The following TLE1 variants were observed in gnomAD, a reference collection of about 807,000 sequenced individuals.
TLE1 encodes the protein TLE family member 1, transcriptional corepressor, also known as transducin-like enhancer protein 1.
Under a neutral mutation model 89.8 loss-of-function variants are expected in TLE1, and 21 were observed. The ratio of observed to expected loss-of-function variants is 0.23; its 90% CI spans 0.17 to 0.34. The LOEUF (loss-of-function observed/expected upper bound fraction) is 0.34, where lower values mean the gene tolerates loss of function less well. Among genes scored for constraint, TLE1 ranks in the 10% least tolerant of loss-of-function variants. TLE1 has a pLI of 1.00. For synonymous variants in TLE1, 447 were observed against 407.6 expected, an observed-to-expected ratio of 1.10 and a Z score of -1.16; for missense variants, 795 against 1,031.2, an observed-to-expected ratio of 0.77 and a Z score of 3.14.
intron 6 of TLE1, among the ~76,000 whole-genome samples, chr9:81,637,661 T>TTG (rs1175072809): frequency 6.6e-6 from 1 of 151,434 alleles, no homozygotes; most frequent in African/African-American, 2.4e-5. Context: ...TTTTTTTTTT[T>TTG]TAAGCAAAAT....
intron 8 of TLE1, among the ~76,000 whole-genome samples, chr9:81,625,011 A>T (rs1825736354): frequency 6.6e-6 from 1 of 152,188 alleles, no homozygotes; most frequent in Non-Finnish European, 1.5e-5. Flanking sequence ...ATATCTGAGA[A>T]GTCTAAAAGA....
chr9:81,628,931 C>A (rs1198689869), intron 8 of TLE1, among the ~76,000 whole-genome samples: 1 of 152,046 alleles, frequency 6.6e-6, no homozygotes, highest in Non-Finnish European at 1.5e-5. Context: ...GAGCACGGAC[C>A]CACCCAGTCC....
chr9:81,625,199 T>C (rs1825758179), intron 8 of TLE1, among the ~76,000 whole-genome samples: 2 of 152,198 alleles, frequency 1.3e-5, no homozygotes, highest in Admixed American at 1.3e-4. Flanking sequence ...TCTGGAATTC[T>C]GTGAGAACAC....
chr9:81,676,720 G>A (rs559519095), intron 4 of TLE1, among the ~76,000 whole-genome samples: 25 of 152,236 alleles, frequency 1.6e-4, no homozygotes, highest in Admixed American at 1.6e-3. Context: ...GTAATCCCAA[G>A]ACCCTGAAGA....
Position 81,605,415 on chromosome 9 carries a change from C to T in TLE1, c.1331+4805G>A, listed in dbSNP as rs144241423. 1.9e-3 allele frequency among the ~76,000 whole-genome samples: 296 copies of T among 152,124 alleles called. 2 individuals carry two copies. The highest frequency in any genetic ancestry group is 6.7e-3 in the African/African-American group (276 of 41,488). On this transcript the variant is annotated intron_variant, in intron 14 of 19. Coordinates refer to ENST00000376499, the MANE Select transcript of TLE1 (RefSeq NM_005077.5). ...TCCTATTCATTTGTATTGTATGTTA[C>T]AAATGTACCTATCTTTGACTTACGG...
intron 4 of TLE1, among the ~76,000 whole-genome samples, chr9:81,673,187 C>T (rs942641115): frequency 3.4e-5 from 5 of 148,412 alleles, no homozygotes; most frequent in South Asian, 2.2e-4. Context: ...GCAACAGAAT[C>T]GCTTGAACCT....
At chr9:81,621,768 G>A (rs1217668052) in intron 8 of TLE1, among the ~76,000 whole-genome samples, 3 of 152,150 alleles carry the variant, frequency 2.0e-5, no homozygotes, top group South Asian at 2.1e-4. Flanking sequence ...CCCACCATGG[G>A]AGGGTTGTCT....
At chr9:81,675,738 G>A (rs1282015553) in intron 4 of TLE1, among the ~76,000 whole-genome samples, 1 of 120,166 alleles carries the variant, frequency 8.3e-6, no homozygotes, top group South Asian at 2.8e-4. Context: ...GTCTCGCTCT[G>A]TCGCCAGGCT....
At chr9:81,675,958 C>A (rs1832855226) in intron 4 of TLE1, among the ~76,000 whole-genome samples, 1 of 152,086 alleles carries the variant, frequency 6.6e-6, no homozygotes, top group Non-Finnish European at 1.5e-5. Context: ...CTCAGCCTCC[C>A]AAAGTGCTGG....
At chr9:81,670,727 T>A (rs113216436) in intron 4 of TLE1, among the ~76,000 whole-genome samples, 9 of 147,376 alleles carry the variant, frequency 6.1e-5, no homozygotes, top group South Asian at 2.1e-4. Context: ...AAAAAAAAAT[T>A]AAAAAAAAAA....
rs898790247 is a variant in TLE1, at chr9:81,654,721, A to T, written c.235-685T>A. Among the ~76,000 whole-genome samples, 6 of 152,210 alleles carry T rather than the reference A, an allele frequency of 3.9e-5. 1 individual carries two copies. Among genetic ancestry groups the T allele is most frequent in the Admixed American group, 1.3e-4 (2 of 15,272 alleles). ...TTCATTCAAGCGGGTGTCAGAAGCC[A>T]CTGCAGCTGCAGCACTGTCAAAGCA... On this transcript the variant is annotated intron_variant, in intron 4 of 19. Coordinates refer to ENST00000376499, the MANE Select transcript of TLE1 (RefSeq NM_005077.5).
intron 14 of TLE1, among the ~76,000 whole-genome samples, chr9:81,601,739 C>T (rs932609044): frequency 1.3e-5 from 2 of 152,138 alleles, no homozygotes; most frequent in Non-Finnish European, 2.9e-5. Flanking sequence ...TAAATCCAGC[C>T]TTGAGGGTAT....
intron 4 of TLE1, among the ~76,000 whole-genome samples, chr9:81,670,898 G>A (rs576404118): frequency 7.9e-5 from 12 of 152,150 alleles, no homozygotes; most frequent in East Asian, 7.7e-4. Flanking sequence ...GCTGGGTGCC[G>A]TGGCTCATGC....
intron 6 of TLE1, among the ~76,000 whole-genome samples, chr9:81,634,605 G>T (rs1053147350): frequency 6.6e-6 from 1 of 152,132 alleles, no homozygotes; most frequent in African/African-American, 2.4e-5. Flanking sequence ...TCCGAGAGGG[G>T]AGCTGTTTAT....
rs373362348 is a variant in TLE1, at chr9:81,609,250, A to G, written c.1331+970T>C. Among the ~76,000 whole-genome samples the G allele has an allele frequency of 5.0e-4, 76 of 152,080 alleles. 3 individuals carry two copies. In the South Asian group the frequency reaches 7.3e-3, roughly 15 times the overall value. ...CAGGCACATACCACCACGCCCAGCT[A>G]ATTTTTGTATTTTTAGTAGAGACGG... On this transcript the variant is annotated intron_variant, in intron 14 of 19. Transcript: ENST00000376499.
intron 4 of TLE1, among the ~76,000 whole-genome samples, chr9:81,672,410 T>G (rs905789906): frequency 1.1e-4 from 17 of 151,602 alleles, no homozygotes; most frequent in Non-Finnish European, 1.9e-4. Context: ...CTTGGCTCAC[T>G]GCAACCTCCG....
rs3045544 is a variant in TLE1, at chr9:81,652,106, T to TACACACACACACACACACAC, written c.372+88_372+107dup. The TACACACACACACACACACAC allele has an allele frequency of 7.3e-5, 51 of 696,462 alleles. No individual in the cohort carries two copies. In the African/African-American group the frequency reaches 9.1e-4, roughly 12 times the overall value. The allele number at this position is 696,462 out of a possible 1,614,324, so 43.1% of individuals were successfully genotyped here. The stretch of plus-strand genomic sequence containing the variant: ...CTTATCAAATAGGTCAACGTTAAGA[T>TACACACACACACACACACAC]ACACACACACACACACACACACACA... On this transcript the variant is annotated intron_variant, in intron 6 of 19. Transcript: ENST00000376499.
intron 16 of TLE1, among the ~76,000 whole-genome samples, chr9:81,589,690 G>C (rs2796465): frequency 2.0e-5 from 3 of 152,082 alleles, no homozygotes; most frequent in Non-Finnish European, 2.9e-5. Context: ...GACGTTATGA[G>C]AACTAAGTGG....
chr9:81,608,125 C>T lies in TLE1; in HGVS notation c.1331+2095G>A, dbSNP rs970922085. 4.6e-5 allele frequency among the ~76,000 whole-genome samples: 7 copies of T among 152,044 alleles called. No individual in the cohort carries two copies. In the East Asian group the frequency reaches 1.2e-3, roughly 25 times the overall value. On this transcript the variant is annotated intron_variant, in intron 14 of 19. Coordinates refer to ENST00000376499, the MANE Select transcript of TLE1 (RefSeq NM_005077.5). Reference sequence around the variant, plus strand: ...GAGTGGACTGCTCAAAATAATTCACCATGCTGGGCGTGGTGGCTCATGCCT... The same window carrying T: ...GAGTGGACTGCTCAAAATAATTCACTATGCTGGGCGTGGTGGCTCATGCCT...
Sources: gnomAD v4.1 joint callset for allele counts (sites outside exome capture counted in the v4.1 genomes callset) on GRCh38, gnomAD v4.1.1 for gene constraint, MANE v1.5 for transcripts, NCBI Gene and HGNC (gene_info 2026-07-23, HGNC 2026-07-21) for gene names.